Variants in FHIT observed in about 807,000 individuals in gnomAD.
The protein encoded by FHIT is fragile histidine triad diadenosine triphosphatase, also known as bis(5'-adenosyl)-triphosphatase.
FHIT carries 19 observed loss-of-function variants against 17.9 expected under a neutral mutation model. The observed-to-expected ratio is 1.06, with a 90% CI of 0.74 to 1.56. FHIT has a LOEUF of 1.56. Among genes scored for constraint, FHIT ranks in the 40% most tolerant of loss-of-function variants. The pLI is 0.00. For missense variants in FHIT, 248 were observed against 189.2 expected (o/e 1.31, Z -1.82); for synonymous variants, 81 against 69.7 (o/e 1.16, Z -0.81).
At chr3:60,053,117 T>A (rs954604478) in intron 5 of FHIT, among the ~76,000 whole-genome samples, 56 of 152,090 alleles carry the variant, frequency 3.7e-4, no homozygotes, top group African/African-American at 1.3e-3. Context: ...CTTCTGTATC[T>A]TCTTTCCATT....
chr3:60,504,377 T>A (rs754148391), intron 5 of FHIT, among the ~76,000 whole-genome samples: 1 of 151,134 alleles, frequency 6.6e-6, no homozygotes, highest in Non-Finnish European at 1.5e-5. Flanking sequence ...GAGGTTGCAG[T>A]GAGCCAAGAT....
intron 4 of FHIT, among the ~76,000 whole-genome samples, chr3:60,547,119 C>T (rs1202277301): frequency 6.6e-6 from 1 of 152,164 alleles, no homozygotes; most frequent in Non-Finnish European, 1.5e-5. Flanking sequence ...TAAATACTTT[C>T]CTTTCACATA....
chr3:60,471,245 C>T (rs192794211), intron 5 of FHIT, among the ~76,000 whole-genome samples: 3 of 152,286 alleles, frequency 2.0e-5, no homozygotes, highest in East Asian at 1.9e-4. Context: ...CATGTGTACC[C>T]CAGGTCCACT....
chr3:60,267,264 G>A (rs900700056), intron 5 of FHIT, among the ~76,000 whole-genome samples: 8 of 152,012 alleles, frequency 5.3e-5, no homozygotes, highest in Admixed American at 1.3e-4. Context: ...CAATGTAGGG[G>A]TTTTGAATTA....
chr3:60,319,115 C>A (rs1213618338), intron 5 of FHIT, among the ~76,000 whole-genome samples: 2 of 152,156 alleles, frequency 1.3e-5, no homozygotes, highest in African/African-American at 4.8e-5. Flanking sequence ...TTAACCTGAT[C>A]ACATCTGCAA....
chr3:59,753,556 G>A (rs1012245114), intron 8 of FHIT, among the ~76,000 whole-genome samples: 2 of 152,070 alleles, frequency 1.3e-5, no homozygotes, highest in Non-Finnish European at 2.9e-5. Flanking sequence ...GTAAAATGCC[G>A]CAGGTTATCC....
chr3:60,301,137 A>C (rs1708444789), intron 5 of FHIT, among the ~76,000 whole-genome samples: 1 of 152,112 alleles, frequency 6.6e-6, no homozygotes, highest in African/African-American at 2.4e-5. Context: ...ATTTATCCTA[A>C]AATAAAATTT....
intron 8 of FHIT, among the ~76,000 whole-genome samples, chr3:59,803,331 G>A (rs1450535053): frequency 6.6e-6 from 1 of 152,206 alleles, no homozygotes; most frequent in South Asian, 2.1e-4. Flanking sequence ...TTACAGGCGA[G>A]CACGGGGCCA....
chr3:59,786,113 C>T (rs981073953), intron 8 of FHIT, among the ~76,000 whole-genome samples: 21 of 152,142 alleles, frequency 1.4e-4, no homozygotes, highest in Non-Finnish European at 2.9e-5. Flanking sequence ...GGAAACTTAT[C>T]ATCCTTTTCA....
chr3:60,999,880 G>A (rs1452177549), intron 3 of FHIT, among the ~76,000 whole-genome samples: 1 of 152,126 alleles, frequency 6.6e-6, no homozygotes, highest in African/African-American at 2.4e-5. Context: ...CAGATTTGAT[G>A]TCTGGTGAGG....
At chr3:60,390,049 G>A (rs1701159883) in intron 5 of FHIT, among the ~76,000 whole-genome samples, 1 of 152,088 alleles carries the variant, frequency 6.6e-6, no homozygotes, top group South Asian at 2.1e-4. Flanking sequence ...TTGCAAAACT[G>A]TTGTTGATGA....
At chr3:59,939,036 C>T (rs981627830) in intron 7 of FHIT, among the ~76,000 whole-genome samples, 35 of 152,094 alleles carry the variant, frequency 2.3e-4, no homozygotes, top group Admixed American at 1.6e-3. Context: ...GAGGCACAAA[C>T]GATGAATACT....
In FHIT at chr3:60,361,428, C is replaced by G. The variant is rs575074863; in HGVS notation, c.103+175432G>C. On this transcript the variant is annotated intron_variant, in intron 5 of 9. Coordinates refer to ENST00000492590, the MANE Select transcript of FHIT (RefSeq NM_002012.4). ...TCCTGTGTTTTATAAGTAAAAGACA[C>G]CCCCACCAACTGTAGAGGAGGTTGA... Among the ~76,000 whole-genome samples, 67 of 152,248 alleles carry G rather than the reference C, an allele frequency of 4.4e-4. No individual in the cohort carries two copies. The South Asian group carries it at 0.013, about 29-fold the overall frequency.
rs375799251 is a variant in FHIT, at chr3:60,011,404, G to C, written c.250-4C>G. The C allele has an allele frequency of 6.8e-6, 11 of 1,613,136 alleles. No homozygotes were observed. The African/African-American group carries it at 1.5e-4, about 22-fold the overall frequency. On this transcript the variant is annotated splice_polypyrimidine_tract_variant and splice_region_variant and intron_variant, in intron 6 of 9. Coordinates refer to ENST00000492590, the MANE Select transcript of FHIT (RefSeq NM_002012.4). ...TCTGTCCGGCTTCGGGGCCATCCTA[G>C]AAGTAGGAAAAAACCAACAGAGGTG...
intron 8 of FHIT, among the ~76,000 whole-genome samples, chr3:59,815,294 G>A (rs886566378): frequency 6.6e-6 from 1 of 152,084 alleles, no homozygotes; most frequent in Non-Finnish European, 1.5e-5. Context: ...ATGTCAACTA[G>A]TACAACCACT....
chr3:60,418,557 C>CTT lies in FHIT; in HGVS notation c.103+118301_103+118302dup, dbSNP rs11452248. On this transcript the variant is annotated intron_variant, in intron 5 of 9. Transcript: ENST00000492590. ...GTCAACTAATTAACATCCCTCCCAA[C>CTT]TTTTTTTTTTTTTTTTTTTTTTAGT... Among the ~76,000 whole-genome samples, 229 of 95,194 alleles carry CTT rather than the reference C, an allele frequency of 2.4e-3. 2 individuals carry two copies. The highest frequency in any genetic ancestry group is 8.7e-3 in the South Asian group (19 of 2,196). The allele number at this position is 95,194 out of a possible 152,430, so 62.5% of individuals were successfully genotyped here. A position where few individuals can be genotyped will look rare whatever the true frequency, so the allele number is the denominator to read the frequency against.
intron 8 of FHIT, among the ~76,000 whole-genome samples, chr3:59,794,363 G>GT (rs1222562185): frequency 6.6e-6 from 1 of 152,206 alleles, no homozygotes; most frequent in Non-Finnish European, 1.5e-5. Flanking sequence ...ATACTCGCAT[G>GT]TTATTAACAA....
At chr3:60,525,364 C>A (rs992295261) in intron 5 of FHIT, among the ~76,000 whole-genome samples, 1 of 152,152 alleles carries the variant, frequency 6.6e-6, no homozygotes, top group African/African-American at 2.4e-5. Context: ...TATTTATCAA[C>A]CATCTAATAT....
intron 5 of FHIT, among the ~76,000 whole-genome samples, chr3:60,382,862 C>T (rs1430047613): frequency 6.6e-6 from 1 of 152,176 alleles, no homozygotes; most frequent in Admixed American, 6.5e-5. Flanking sequence ...AGAAATCAGA[C>T]CTCTATCATT....
Sources: gnomAD v4.1 joint callset for allele counts (sites outside exome capture counted in the v4.1 genomes callset) on GRCh38, gnomAD v4.1.1 for gene constraint, MANE v1.5 for transcripts, NCBI Gene and HGNC (gene_info 2026-07-23, HGNC 2026-07-21) for gene names.